The following SLC24A3 variants were observed in gnomAD, a reference collection of about 807,000 sequenced individuals.
SLC24A3 encodes the protein sodium/potassium/calcium exchanger 3.
Under a neutral mutation model 75.8 loss-of-function variants are expected in SLC24A3, and 28 were observed. The observed-to-expected ratio is 0.37, with a 90% CI of 0.27 to 0.51. The LOEUF (loss-of-function observed/expected upper bound fraction) is 0.51, where lower values mean the gene tolerates loss of function less well. Among genes scored for constraint, SLC24A3 ranks in the 20% least tolerant of loss-of-function variants. The pLI is 0.94. For missense variants in SLC24A3, 663 were observed against 847.8 expected (o/e 0.78, Z 2.71); for synonymous variants, 372 against 334.1 (o/e 1.11, Z -1.24).
chr20:19,603,581 A>T (rs1568669859), intron 6 of SLC24A3, among the ~76,000 whole-genome samples: 1 of 152,202 alleles, frequency 6.6e-6, no homozygotes, highest in Non-Finnish European at 1.5e-5. Context: ...GGCTGTTGTC[A>T]AACCACTTGG....
At chr20:19,524,324 T>C (rs989706326) in intron 3 of SLC24A3, among the ~76,000 whole-genome samples, 5 of 152,150 alleles carry the variant, frequency 3.3e-5, no homozygotes, top group African/African-American at 1.2e-4. Flanking sequence ...ACGTACAGAA[T>C]CCTGAGACTC....
intron 2 of SLC24A3, among the ~76,000 whole-genome samples, chr20:19,353,890 C>T (rs1021618274): frequency 2.0e-5 from 3 of 152,222 alleles, no homozygotes; most frequent in African/African-American, 7.2e-5. Flanking sequence ...GATGGTGCAG[C>T]TATCTTGGAA....
At chr20:19,298,215 C>G (rs1435957075) in intron 2 of SLC24A3, among the ~76,000 whole-genome samples, 1 of 152,180 alleles carries the variant, frequency 6.6e-6, no homozygotes, top group African/African-American at 2.4e-5. Flanking sequence ...GATACAAGGC[C>G]CCCTGCATGA....
At chr20:19,393,476 C>G (rs917659322) in intron 2 of SLC24A3, among the ~76,000 whole-genome samples, 1 of 152,080 alleles carries the variant, frequency 6.6e-6, no homozygotes, top group African/African-American at 2.4e-5. Context: ...AGAAAACAAA[C>G]TGTTGTTACT....
At chr20:19,376,598 T>G (rs547722602) in intron 2 of SLC24A3, among the ~76,000 whole-genome samples, 4 of 151,656 alleles carry the variant, frequency 2.6e-5, no homozygotes, top group Non-Finnish European at 4.4e-5. Context: ...AGAACCAGAG[T>G]GTTCCAAGTT....
chr20:19,371,337 G>C (rs1465309989), intron 2 of SLC24A3, among the ~76,000 whole-genome samples: 1 of 150,296 alleles, frequency 6.7e-6, no homozygotes, highest in Non-Finnish European at 1.5e-5. Context: ...GGCCCTGGGA[G>C]GGTAAAGGCC....
At chr20:19,640,072 A>G (rs1254030207) in intron 6 of SLC24A3, among the ~76,000 whole-genome samples, 1 of 152,222 alleles carries the variant, frequency 6.6e-6, no homozygotes, top group Non-Finnish European at 1.5e-5. Context: ...CAGCCCAGAA[A>G]GGGGCTCCCA....
At chr20:19,610,430 T>A (rs2122662737) in intron 6 of SLC24A3, among the ~76,000 whole-genome samples, 1 of 152,286 alleles carries the variant, frequency 6.6e-6, no homozygotes, top group East Asian at 1.9e-4. Flanking sequence ...CCAAGCCACA[T>A]CCTTAGGCAG....
chr20:19,588,936 C>T (rs2031336296), intron 6 of SLC24A3, among the ~76,000 whole-genome samples: 1 of 152,242 alleles, frequency 6.6e-6, no homozygotes, highest in African/African-American at 2.4e-5. Flanking sequence ...AGAGCTCCAA[C>T]ATCAGCCCTA....
chr20:19,382,283 A>G (rs1986196147), intron 2 of SLC24A3, among the ~76,000 whole-genome samples: 1 of 152,222 alleles, frequency 6.6e-6, no homozygotes, highest in Non-Finnish European at 1.5e-5. Flanking sequence ...GTGATAGTGC[A>G]CAATGCATGA....
rs77735699 is a variant in SLC24A3 at position 19,624,952 on chromosome 20, A to G, written c.613-29110A>G. Among the ~76,000 whole-genome samples the G allele has an allele frequency of 5.2e-3, 794 of 152,302 alleles. 5 individuals carry two copies. The highest frequency in any genetic ancestry group is 0.018 in the African/African-American group (748 of 41,554). ...GGGTCAGCAATTTGAGCTCAACCCA[A>G]TGGAATGGTTCTTATGATCTGGGCT... is the stretch of plus-strand genomic sequence containing the variant. On this transcript the variant is annotated intron_variant, in intron 6 of 16. Coordinates refer to ENST00000328041, the MANE Select transcript of SLC24A3 (RefSeq NM_020689.4).
chr20:19,672,091 A>G (rs1463172460), intron 8 of SLC24A3, among the ~76,000 whole-genome samples: 1 of 152,134 alleles, frequency 6.6e-6, no homozygotes, highest in Admixed American at 6.5e-5. Context: ...TGGTGTGGAT[A>G]GAAATCACTG....
chr20:19,393,748 A>G (rs1048040624), intron 2 of SLC24A3, among the ~76,000 whole-genome samples: 2 of 152,202 alleles, frequency 1.3e-5, no homozygotes, highest in African/African-American at 4.8e-5. Context: ...ATATTTATGT[A>G]ATTGGAATAG....
chr20:19,537,882 G>A (rs1189461538), intron 3 of SLC24A3, among the ~76,000 whole-genome samples: 2 of 137,652 alleles, frequency 1.5e-5, no homozygotes, highest in Non-Finnish European at 3.1e-5. Context: ...CCGTTGTGGG[G>A]TGGGGGGAGG....
chr20:19,360,979 A>C (rs1254365419), intron 2 of SLC24A3, among the ~76,000 whole-genome samples: 1 of 152,134 alleles, frequency 6.6e-6, no homozygotes, highest in Non-Finnish European at 1.5e-5. Context: ...GGTGCCCGCC[A>C]CCATGCCTGG....
chr20:19,260,039 G>C (rs1982933656), intron 1 of SLC24A3, among the ~76,000 whole-genome samples: 1 of 152,232 alleles, frequency 6.6e-6, no homozygotes, highest in African/African-American at 2.4e-5. Context: ...GGTCTCTGGA[G>C]TGGGATCTGG....
intron 7 of SLC24A3, among the ~76,000 whole-genome samples, chr20:19,659,254 C>T (rs146815073): frequency 4.6e-5 from 7 of 152,196 alleles, no homozygotes; most frequent in Non-Finnish European, 7.3e-5. Flanking sequence ...GGCACAGCAG[C>T]GAGGTTCCTT....
chr20:19,680,862 G>A (rs2032605440), intron 9 of SLC24A3, among the ~76,000 whole-genome samples: 2 of 152,206 alleles, frequency 1.3e-5, no homozygotes, highest in African/African-American at 4.8e-5. Context: ...GGAAAGGGAA[G>A]AGAAACATAG....
chr20:19,569,331 G>T (rs996009454), intron 3 of SLC24A3, among the ~76,000 whole-genome samples: 4 of 152,168 alleles, frequency 2.6e-5, no homozygotes, highest in Non-Finnish European at 5.9e-5. Context: ...TAGTACATCG[G>T]CAGTGAGGGC....
Sources: allele counts gnomAD v4.1 joint callset (sites outside exome capture counted in the v4.1 genomes callset), GRCh38; gene constraint gnomAD v4.1.1; transcripts MANE v1.5; gene names NCBI Gene and HGNC (gene_info 2026-07-23, HGNC 2026-07-21).